Variants in TTI1 observed in about 807,000 individuals in gnomAD.
TTI1 encodes the protein TELO2-interacting protein 1 homolog.
A neutral mutation model predicts 85.4 loss-of-function variants in TTI1; 52 were observed. That is an observed-to-expected ratio of 0.61 (90% CI 0.49 to 0.77). The LOEUF (loss-of-function observed/expected upper bound fraction) is 0.77, where lower values mean the gene tolerates loss of function less well. Among genes scored for constraint, TTI1 ranks in the 30% least tolerant of loss-of-function variants. The pLI, the probability that TTI1 is intolerant of heterozygous loss-of-function variation, is 0.00. For synonymous variants in TTI1, 512 were observed against 503.9 expected, an observed-to-expected ratio of 1.02 and a Z score of -0.22; for missense variants, 1,173 against 1,296.0, an observed-to-expected ratio of 0.91 and a Z score of 1.46.
rs1249637515 is a variant in TTI1, at chr20:37,996,356, G to A, written c.3086+19C>T. ...TTTAGAACAAACGTAAAGGGATGCG[G>A]GTGATCAGGCAGACGTACCTCCTGG... On this transcript the variant is annotated intron_variant, in intron 7 of 7. Coordinates refer to ENST00000373447, the MANE Select transcript of TTI1 (RefSeq NM_001303457.2). The A allele has an allele frequency of 6.2e-7, 1 of 1,613,470 alleles. No individual in the cohort carries two copies. Among genetic ancestry groups the A allele is most frequent in the Non-Finnish European group, 8.5e-7 (1 of 1,179,558 alleles).
rs1174154045 is a variant in TTI1 at position 38,021,264 on chromosome 20, AAC to A, written c.-41-7409_-41-7408del. Among the ~76,000 whole-genome samples the A allele has an allele frequency of 4.6e-5, 7 of 152,270 alleles. No individual in the cohort carries two copies. In the East Asian group the frequency reaches 1.4e-3, roughly 30 times the overall value. On this transcript the variant is annotated intron_variant, in intron 1 of 7. Coordinates refer to ENST00000373447, the MANE Select transcript of TTI1 (RefSeq NM_001303457.2). ...GCATAACACATTGCTACTTTGGCATAACACATTGCTACTTTGACATGACTATA... is the reference window on the plus strand; with the variant it reads ...GCATAACACATTGCTACTTTGGCATAACATTGCTACTTTGACATGACTATA...
At chr20:38,021,544 A>G (rs1365855880) in intron 1 of TTI1, among the ~76,000 whole-genome samples, 3 of 152,254 alleles carry the variant, frequency 2.0e-5, no homozygotes, top group Non-Finnish European at 4.4e-5. Flanking sequence ...TCTCTGGATG[A>G]GTAGACAAAA....
chr20:37,992,283 C>CT (rs1212207793), intron 7 of TTI1, among the ~76,000 whole-genome samples: 17 of 149,250 alleles, frequency 1.1e-4, no homozygotes, highest in East Asian at 3.9e-4. Context: ...TCATCTTCTT[C>CT]TTTTTTTTTT....
intron 1 of TTI1, among the ~76,000 whole-genome samples, chr20:38,018,326 C>A (rs2073713785): frequency 6.6e-6 from 1 of 152,054 alleles, no homozygotes. Flanking sequence ...CTGAGAACTA[C>A]AGTATCTATA....
At chr20:38,016,090 A>G (rs953128390) in intron 1 of TTI1, among the ~76,000 whole-genome samples, 2 of 152,256 alleles carry the variant, frequency 1.3e-5, no homozygotes, top group Non-Finnish European at 2.9e-5. Flanking sequence ...ATTGGCAACA[A>G]TGGATGCTAG....
chr20:37,991,059 T>G (rs1317688011), intron 7 of TTI1, among the ~76,000 whole-genome samples: 1 of 152,194 alleles, frequency 6.6e-6, no homozygotes, highest in African/African-American at 2.4e-5. Flanking sequence ...ATCAGGCCTA[T>G]ATATGCACAG....
chr20:38,014,194 C>T (rs1385326725), intron 1 of TTI1, among the ~76,000 whole-genome samples: 3 of 152,134 alleles, frequency 2.0e-5, no homozygotes, highest in South Asian at 4.1e-4. Context: ...TTCAGGAGTT[C>T]GGATTTTAAC....
intron 1 of TTI1, among the ~76,000 whole-genome samples, chr20:38,029,307 G>C (rs1400082222): frequency 6.6e-6 from 1 of 152,018 alleles, no homozygotes; most frequent in Admixed American, 6.6e-5. Context: ...TACAGCTATA[G>C]CCATGCTGAG....
chr20:38,029,413 GC>G (rs1338539479), intron 1 of TTI1, among the ~76,000 whole-genome samples: 2 of 151,934 alleles, frequency 1.3e-5, no homozygotes, highest in Admixed American at 1.3e-4. Context: ...ACAAAGTAGA[GC>G]AAAATAAAGC....
At position 38,013,586 on chromosome 20, in the gene TTI1, G is replaced by A; in HGVS notation, c.231C>T (p.Cys77=). The A allele has an allele frequency of 2.5e-6, 4 of 1,614,214 alleles. No individual in the cohort carries two copies. Among genetic ancestry groups the A allele is most frequent in the Non-Finnish European group, 3.4e-6 (4 of 1,180,044 alleles). Reference sequence around the variant, plus strand: ...ATGTTGAAGAAAGGACAAATGTGAGGCATTCCACCACACTTTGGATCAAAC... The same window carrying A: ...ATGTTGAAGAAAGGACAAATGTGAGACATTCCACCACACTTTGGATCAAAC... ...RERLIQSVVE[C]LTFVLSSTCV... is the part of the protein sequence containing the mutation. The change falls in exon 2 of 8, where the codon TGC becomes TGT. Residue 77 remains cysteine, a synonymous_variant. Transcript: ENST00000373447.
intron 4 of TTI1, among the ~76,000 whole-genome samples, chr20:38,000,153 A>C (rs915668945): frequency 2.6e-5 from 4 of 152,108 alleles, no homozygotes; most frequent in Non-Finnish European, 5.9e-5. Context: ...AGGGGAAGTG[A>C]GGGTTTGAAA....
chr20:38,024,599 G>A (rs1395693573), intron 1 of TTI1, among the ~76,000 whole-genome samples: 1 of 152,062 alleles, frequency 6.6e-6, no homozygotes, highest in Non-Finnish European at 1.5e-5. Context: ...TAGGGGAATG[G>A]GCACCCTCGC....
chr20:38,003,213 G>A (rs937529784), intron 3 of TTI1, among the ~76,000 whole-genome samples: 2 of 152,106 alleles, frequency 1.3e-5, no homozygotes, highest in Non-Finnish European at 2.9e-5. Flanking sequence ...TCCCCCTGCC[G>A]TGGCCTCTCA....
intron 1 of TTI1, among the ~76,000 whole-genome samples, chr20:38,017,712 C>T: frequency 6.6e-6 from 1 of 152,112 alleles, no homozygotes; most frequent in East Asian, 1.9e-4. Flanking sequence ...GAAATACTTA[C>T]TTGGTTGGGG....
chr20:38,013,072 C>A lies in TTI1; in HGVS notation c.745G>T (p.Asp249Tyr), dbSNP rs772298698. 3.7e-6 allele frequency: 6 copies of A among 1,614,202 alleles called. No homozygotes were observed. The South Asian group carries it at 6.6e-5, about 18-fold the overall frequency. Residue 249 changes from aspartate to tyrosine, a missense_variant, in exon 2 of 8, where the codon GAT (aspartate) becomes TAT (tyrosine). Physicochemically the swap from Asp to Tyr is radical, Grantham distance 160. Coordinates refer to ENST00000373447, the MANE Select transcript of TTI1 (RefSeq NM_001303457.2). ...TTTGAGATTCTTTTGAGCTGTTCAT[C>A]AGCCATAATGAAGCTCACTGTCTTG... ...FYKTVSFIMA[D>Y]EQLKRISKVQ...
At chr20:38,017,333 C>G (rs1239674414) in intron 1 of TTI1, among the ~76,000 whole-genome samples, 1 of 151,902 alleles carries the variant, frequency 6.6e-6, no homozygotes, top group Non-Finnish European at 1.5e-5. Context: ...GCATCCAATA[C>G]TTGTGGAAGC....
At chr20:38,000,099 T>C (rs1248344300) in intron 4 of TTI1, among the ~76,000 whole-genome samples, 2 of 152,184 alleles carry the variant, frequency 1.3e-5, no homozygotes, top group African/African-American at 4.8e-5. Context: ...ATATCTGTTT[T>C]GGAGATGACG....
chr20:37,997,046 T>C (rs1351216257), intron 5 of TTI1, 93 bp from the exon 6 acceptor site: 5 of 1,336,438 alleles, frequency 3.7e-6, no homozygotes, highest in Non-Finnish European at 5.1e-6. Flanking sequence ...TCTAGGTCTC[T>C]GCTTGGGGGA....
At chr20:38,020,321 A>ATATATATATAT (rs1443587921) in intron 1 of TTI1, among the ~76,000 whole-genome samples, 136 of 42,602 alleles carry the variant, frequency 3.2e-3, no homozygotes, top group African/African-American at 0.012. Context: ...AAAAAAAAAA[A>ATATATATATAT]AAATATATAT....
Sources: gnomAD v4.1 joint callset for allele counts (sites outside exome capture counted in the v4.1 genomes callset) on GRCh38, gnomAD v4.1.1 for gene constraint, MANE v1.5 for transcripts, NCBI Gene and HGNC (gene_info 2026-07-23, HGNC 2026-07-21) for gene names.